The following PTTG1IP variants were observed in gnomAD, a reference collection of about 807,000 sequenced individuals.
The protein encoded by PTTG1IP is pituitary tumor-transforming gene 1 protein-interacting protein.
In PTTG1IP, 16 loss-of-function variants were observed where a neutral mutation model predicts 24.4. The observed-to-expected ratio is 0.66, with a 90% confidence interval of 0.44 to 1.00. The LOEUF (loss-of-function observed/expected upper bound fraction) is 1.00, where lower values mean the gene tolerates loss of function less well. Ranked by LOEUF, PTTG1IP falls within the 50% of genes least tolerant of loss-of-function variation. The probability of loss-of-function intolerance (pLI) is 0.00; values close to 1 mark genes in which losing one functional copy is unlikely to be tolerated. For missense variants in PTTG1IP, 241 were observed against 245.8 expected (o/e 0.98, Z 0.13); for synonymous variants, 89 against 96.8 (o/e 0.92, Z 0.47).
In PTTG1IP at chr21:44,850,088, T is replaced by C. The variant is rs1022927740; in HGVS notation, c.*1493A>G. The C allele has an allele frequency of 1.1e-4, 16 of 152,196 alleles. No homozygotes were observed. The highest frequency in any genetic ancestry group is 3.6e-4 in the African/African-American group (15 of 41,448). The allele number at this position is 152,196 out of a possible 1,614,324, so 9.4% of individuals were successfully genotyped here. ...TACAGATGTACACAGTCAAAAAGGC[T>C]TATCGAGCTGTTTGACGAGTTCTTG... On this transcript the variant is annotated 3_prime_UTR_variant, in exon 6 of 6. Coordinates refer to ENST00000330938, the MANE Select transcript of PTTG1IP (RefSeq NM_004339.4).
intron 5 of PTTG1IP, among the ~76,000 whole-genome samples, chr21:44,852,422 T>C (rs1323119618): frequency 6.6e-6 from 1 of 152,172 alleles, no homozygotes; most frequent in African/African-American, 2.4e-5. Flanking sequence ...CCTCAGGTGA[T>C]CCACCACCTT....
rs774099166 is a variant in PTTG1IP, at chr21:44,865,379, T to C, written c.168+16A>G. 4 of 1,613,632 alleles carry C rather than the reference T, an allele frequency of 2.5e-6. No individual in the cohort carries two copies. The highest frequency in any genetic ancestry group is 2.5e-6 in the Non-Finnish European group (3 of 1,179,536). On this transcript the variant is annotated intron_variant, in intron 2 of 5. Transcript: ENST00000330938. Reference sequence around the variant, plus strand: ...GTCTGGACGGCACTCTGGTCTCTAGTCCACGTGCTACTTACGGAGACGTTC... The same window carrying C: ...GTCTGGACGGCACTCTGGTCTCTAGCCCACGTGCTACTTACGGAGACGTTC...
rs143718199 is a variant in PTTG1IP, at chr21:44,851,462, G to T, written c.*119C>A. 1.5e-3 allele frequency: 2,366 copies of T among 1,610,720 alleles called. 19 individuals carry two copies. The highest frequency in any genetic ancestry group is 0.011 in the South Asian group (1,003 of 91,070). The stretch of plus-strand genomic sequence containing the variant: ...AGCTCTCCGGCCGCCTGTCCTGGAA[G>T]GCTGGCAGGTTCACTGGCCAAGGTC... On this transcript the variant is annotated 3_prime_UTR_variant, in exon 6 of 6. Coordinates refer to ENST00000330938, the MANE Select transcript of PTTG1IP (RefSeq NM_004339.4).
chr21:44,855,459 A>G lies in PTTG1IP; in HGVS notation c.450-203T>C, dbSNP rs180713704. 1.2e-4 allele frequency among the ~76,000 whole-genome samples: 19 copies of G among 152,326 alleles called. No individual in the cohort carries two copies. In the East Asian group the frequency reaches 3.1e-3, roughly 25 times the overall value. On this transcript the variant is annotated intron_variant, in intron 4 of 5. Transcript: ENST00000330938. ...GGACAGGCAAGGTGACAACGAACCC[A>G]GTCTTCAAAGGCCGTTCCAATGTAT...
At chr21:44,861,094 G>C in intron 3 of PTTG1IP, 69 bp downstream of exon 3, 2 of 1,393,774 alleles carry the variant, frequency 1.4e-6, no homozygotes, top group East Asian at 4.7e-5. Context: ...GAGCCACCGC[G>C]CCCGGCCCAT....
chr21:44,871,599 C>T (rs1458257838), intron 1 of PTTG1IP, among the ~76,000 whole-genome samples: 2 of 152,178 alleles, frequency 1.3e-5, no homozygotes, highest in Non-Finnish European at 2.9e-5. Flanking sequence ...ACACAGTGTC[C>T]TTGTAAAGGA....
chr21:44,858,491 C>A (rs528634128), intron 3 of PTTG1IP, among the ~76,000 whole-genome samples: 3 of 152,160 alleles, frequency 2.0e-5, no homozygotes, highest in Admixed American at 2.0e-4. Context: ...CTGTTTCTCC[C>A]GGAGGAGCAG....
At chr21:44,869,773 A>G (rs1434513336) in intron 1 of PTTG1IP, among the ~76,000 whole-genome samples, 3 of 152,290 alleles carry the variant, frequency 2.0e-5, no homozygotes, top group African/African-American at 7.2e-5. Flanking sequence ...TCTAAATACA[A>G]TCTGGGCAAG....
Position 44,851,117 on chromosome 21 carries a change from C to G in PTTG1IP, c.*464G>C, listed in dbSNP as rs2083406998. 2.1e-6 allele frequency: 1 copy of G among 472,144 alleles called. No individual in the cohort carries two copies. Among genetic ancestry groups the G allele is most frequent in the Admixed American group, 3.6e-5 (1 of 28,082 alleles). The allele number at this position is 472,144 out of a possible 1,614,324, so 29.2% of individuals were successfully genotyped here. A position where few individuals can be genotyped will look rare whatever the true frequency, so the allele number is the denominator to read the frequency against. Reference sequence around the variant, plus strand: ...AAGACTCAAGATGCGCACACAGACGCTGTCCGTGGTTTTATGGGGAATGAT... The same window carrying G: ...AAGACTCAAGATGCGCACACAGACGGTGTCCGTGGTTTTATGGGGAATGAT... On this transcript the variant is annotated 3_prime_UTR_variant, in exon 6 of 6. Transcript: ENST00000330938.
At chr21:44,858,758 C>T (rs565340431) in intron 3 of PTTG1IP, among the ~76,000 whole-genome samples, 5 of 152,312 alleles carry the variant, frequency 3.3e-5, no homozygotes, top group African/African-American at 9.6e-5. Context: ...AAACACCCAC[C>T]ACTTGTAAAG....
At chr21:44,870,235 C>A (rs2083573391) in intron 1 of PTTG1IP, among the ~76,000 whole-genome samples, 1 of 152,176 alleles carries the variant, frequency 6.6e-6, no homozygotes, top group Non-Finnish European at 1.5e-5. Flanking sequence ...GAAAACATAT[C>A]ATCTTGCATA....
intron 4 of PTTG1IP, among the ~76,000 whole-genome samples, 191 bp downstream of exon 4, chr21:44,856,002 G>A (rs2083447079): frequency 6.6e-6 from 1 of 152,180 alleles, no homozygotes; most frequent in Non-Finnish European, 1.5e-5. Context: ...AGCAAGGTTC[G>A]CAGCCACTGC....
intron 1 of PTTG1IP, 181 bp from the exon 2 acceptor site, chr21:44,865,628 G>A (rs1035142481): frequency 1.8e-5 from 12 of 658,462 alleles, no homozygotes; most frequent in Non-Finnish European, 2.7e-5. Flanking sequence ...CAAGACATGT[G>A]GAACGAGTGT....
chr21:44,871,016 G>A (rs935953421), intron 1 of PTTG1IP, among the ~76,000 whole-genome samples: 4 of 152,226 alleles, frequency 2.6e-5, no homozygotes, highest in African/African-American at 7.2e-5. Context: ...TCAGCAGAAC[G>A]AGCAGCCAAA....
rs1434047331 is a variant in PTTG1IP at position 44,851,210 on chromosome 21, T to C, written c.*371A>G. 5 of 923,290 alleles carry C rather than the reference T, an allele frequency of 5.4e-6. No homozygotes were observed. The highest frequency in any genetic ancestry group is 7.8e-6 in the Non-Finnish European group (5 of 637,530). 57.2% of individuals were successfully genotyped at this position (923,290 alleles called of 1,614,324 possible). ...TCCCTGTGTTGCGTGTGAAGCTTGT[T>C]AGTGGACAGAGAGAAACGCAGGGTT... On this transcript the variant is annotated 3_prime_UTR_variant, in exon 6 of 6. Transcript: ENST00000330938.
intron 1 of PTTG1IP, 42 bp downstream of exon 1, chr21:44,873,460 G>T: frequency 7.5e-7 from 1 of 1,335,108 alleles, no homozygotes; most frequent in Non-Finnish European, 9.5e-7. Context: ...CCCACCAGCC[G>T]CCCCGCCCCC....
Position 44,851,509 on chromosome 21 carries a change from G to A in PTTG1IP, c.*72C>T. ...GGTCAGGAGACCGCAATGGCCACGTGGTCTCCCGGCTGGGCTGGGCTGCGG... is the reference window on the plus strand; with the variant it reads ...GGTCAGGAGACCGCAATGGCCACGTAGTCTCCCGGCTGGGCTGGGCTGCGG... On this transcript the variant is annotated 3_prime_UTR_variant, in exon 6 of 6. Transcript: ENST00000330938. 6.2e-7 allele frequency: 1 copy of A among 1,613,962 alleles called. No individual in the cohort carries two copies. The highest frequency in any genetic ancestry group is 8.5e-7 in the Non-Finnish European group (1 of 1,179,972).
At position 44,851,292 on chromosome 21, in the gene PTTG1IP, A is replaced by G; in HGVS notation, c.*289T>C. 1 of 1,436,042 alleles carries G rather than the reference A, an allele frequency of 7.0e-7. No individual in the cohort carries two copies. The highest frequency in any genetic ancestry group is 1.4e-5 in the African/African-American group (1 of 70,210). 89.0% of individuals were successfully genotyped at this position (1,436,042 alleles called of 1,614,324 possible). On this transcript the variant is annotated 3_prime_UTR_variant, in exon 6 of 6. Coordinates refer to ENST00000330938, the MANE Select transcript of PTTG1IP (RefSeq NM_004339.4). ...GGTGCCGTCAGGCGGCTTCGTGTGCAGTTAGCGTTTCACAAACTGAGAAGA... is the reference window on the plus strand; with the variant it reads ...GGTGCCGTCAGGCGGCTTCGTGTGCGGTTAGCGTTTCACAAACTGAGAAGA...
chr21:44,861,845 C>G lies in PTTG1IP; in HGVS notation c.169-574G>C, dbSNP rs554958822. 6 of 717,438 alleles carry G rather than the reference C, an allele frequency of 8.4e-6. No individual in the cohort carries two copies. In the African/African-American group the frequency reaches 1.0e-4, roughly 13 times the overall value. 44.4% of individuals were successfully genotyped at this position (717,438 alleles called of 1,614,324 possible). ...CAGCCTGGCCCATCACAGGCACTCA[C>G]TGAGTTTGTGTTGAATGGACTTGGG... On this transcript the variant is annotated intron_variant, in intron 2 of 5. Coordinates refer to ENST00000330938, the MANE Select transcript of PTTG1IP (RefSeq NM_004339.4).
Sources: gnomAD v4.1 joint callset for allele counts (sites outside exome capture counted in the v4.1 genomes callset) on GRCh38, gnomAD v4.1.1 for gene constraint, MANE v1.5 for transcripts, NCBI Gene and HGNC (gene_info 2026-07-23, HGNC 2026-07-21) for gene names.